TENM3: variants seen among roughly 807,000 people sequenced by gnomAD.
TENM3 encodes teneurin-3.
TENM3 carries 63 observed loss-of-function variants against 255.1 expected under a neutral mutation model. The ratio of observed to expected loss-of-function variants is 0.25; its 90% CI spans 0.20 to 0.30. The LOEUF (loss-of-function observed/expected upper bound fraction) is 0.30, where lower values mean the gene tolerates loss of function less well. TENM3 is among the 10% of genes least tolerant of loss of function. The pLI, the probability that TENM3 is intolerant of heterozygous loss-of-function variation, is 1.00. For missense variants in TENM3, 2,929 were observed against 3,461.1 expected (o/e 0.85, Z 3.86); for synonymous variants, 1,306 against 1,322.3 (o/e 0.99, Z 0.27).
intron 22 of TENM3, among the ~76,000 whole-genome samples, chr4:182,768,606 C>T (rs942693883): frequency 2.0e-5 from 3 of 152,060 alleles, no homozygotes; most frequent in African/African-American, 7.2e-5. Flanking sequence ...AGGAGCTTCA[C>T]GTCAGGTTGA....
chr4:182,541,629 C>G (rs1019367609), intron 3 of TENM3, among the ~76,000 whole-genome samples: 1 of 152,110 alleles, frequency 6.6e-6, no homozygotes, highest in African/African-American at 2.4e-5. Flanking sequence ...TGTTTTCATA[C>G]CAGAACTCAT....
chr4:182,382,711 C>T (rs1767654215), intron 3 of TENM3, among the ~76,000 whole-genome samples: 1 of 152,188 alleles, frequency 6.6e-6, no homozygotes, highest in Non-Finnish European at 1.5e-5. Context: ...CAGATCCACT[C>T]TGCACATTGA....
the TENM3 span, among the ~76,000 whole-genome samples, chr4:181,846,044 T>C: frequency 1.3e-5 from 2 of 152,242 alleles, no homozygotes; most frequent in Non-Finnish European, 2.9e-5. Context: ...GTGCATGCTC[T>C]TTCTTCACTG....
chr4:182,628,275 C>G (rs535010528), intron 4 of TENM3, among the ~76,000 whole-genome samples: 1 of 152,228 alleles, frequency 6.6e-6, no homozygotes, highest in South Asian at 2.1e-4. Context: ...CTTTTGCTAA[C>G]TGTGAAAATG....
the TENM3 span, among the ~76,000 whole-genome samples, chr4:182,051,441 T>G: frequency 2.0e-5 from 3 of 148,604 alleles, no homozygotes; most frequent in African/African-American, 5.0e-5. Flanking sequence ...GCAGTGGCGC[T>G]ATCTCGCCTC....
At chr4:182,198,800 A>G (rs946780247) in intron 1 of TENM3, among the ~76,000 whole-genome samples, 1 of 152,202 alleles carries the variant, frequency 6.6e-6, no homozygotes, top group African/African-American at 2.4e-5. Flanking sequence ...GGAATGACAA[A>G]TATCATTTGA....
upstream of TENM3, among the ~76,000 whole-genome samples, chr4:182,140,986 TC>T (rs199951374): frequency 4.7e-4 from 54 of 115,710 alleles, 1 homozygote; most frequent in African/African-American, 1.3e-3. Flanking sequence ...GCCCATTATA[TC>T]CCTCCCCCCC....
intron 3 of TENM3, among the ~76,000 whole-genome samples, chr4:182,470,908 A>G (rs1733059460): frequency 6.6e-6 from 1 of 152,196 alleles, no homozygotes; most frequent in Non-Finnish European, 1.5e-5. Flanking sequence ...GTGTTCAGGA[A>G]ATTAGATTTG....
chr4:182,288,598 T>C (rs1760905246), intron 1 of TENM3, among the ~76,000 whole-genome samples: 1 of 152,216 alleles, frequency 6.6e-6, no homozygotes, highest in Non-Finnish European at 1.5e-5. Flanking sequence ...CTCCAACTAC[T>C]ACGTGGCAGG....
At chr4:181,475,868 C>G in the TENM3 span, among the ~76,000 whole-genome samples, 2 of 152,218 alleles carry the variant, frequency 1.3e-5, no homozygotes, top group African/African-American at 4.8e-5. Flanking sequence ...TTTCTACCCC[C>G]GCAAAGCTTG....
At chr4:181,858,723 G>C in the TENM3 span, among the ~76,000 whole-genome samples, 1 of 152,180 alleles carries the variant, frequency 6.6e-6, no homozygotes, top group Non-Finnish European at 1.5e-5. Flanking sequence ...GACAGCAAAA[G>C]AAGAAAGGTA....
chr4:182,412,876 A>G (rs922949698), intron 3 of TENM3, among the ~76,000 whole-genome samples: 1 of 151,764 alleles, frequency 6.6e-6, no homozygotes, highest in Non-Finnish European at 1.5e-5. Context: ...AAAAAAAAAA[A>G]AAGAATAAGA....
chr4:182,361,234 C>T (rs1412344736), intron 3 of TENM3, among the ~76,000 whole-genome samples: 2 of 151,990 alleles, frequency 1.3e-5, no homozygotes, highest in South Asian at 2.1e-4. Flanking sequence ...ATCTTTGTGG[C>T]GTTCTCTGTA....
At chr4:181,595,328 G>A in the TENM3 span, among the ~76,000 whole-genome samples, 3 of 151,346 alleles carry the variant, frequency 2.0e-5, no homozygotes, top group South Asian at 6.3e-4. Flanking sequence ...ATACTTGGGA[G>A]GCTGAGGCAT....
intron 3 of TENM3, among the ~76,000 whole-genome samples, chr4:182,537,697 TTTCCACA>T (rs1740476304): frequency 6.6e-6 from 1 of 152,202 alleles, no homozygotes; most frequent in Non-Finnish European, 1.5e-5. Flanking sequence ...AATTCTACAT[TTTCCACA>T]TGTGTTTAAT....
chr4:181,454,506 C>T, the TENM3 span, among the ~76,000 whole-genome samples: 1 of 152,120 alleles, frequency 6.6e-6, no homozygotes, highest in Non-Finnish European at 1.5e-5. Context: ...ATGTCCTAAG[C>T]CTTCATGTTC....
chr4:182,387,421 A>G (rs956020711), intron 3 of TENM3, among the ~76,000 whole-genome samples: 4 of 152,168 alleles, frequency 2.6e-5, no homozygotes, highest in African/African-American at 7.2e-5. Flanking sequence ...AAACGCACCA[A>G]TCAGCGCCCT....
chr4:182,637,484 T>C (rs1751938077), intron 5 of TENM3, among the ~76,000 whole-genome samples: 1 of 152,160 alleles, frequency 6.6e-6, no homozygotes, highest in South Asian at 2.1e-4. Flanking sequence ...TGATCATGCC[T>C]GTGAATAGCC....
chr4:181,726,422 C>T, the TENM3 span, among the ~76,000 whole-genome samples: 3 of 152,164 alleles, frequency 2.0e-5, no homozygotes, highest in African/African-American at 7.2e-5. Context: ...TAGGTGTTAT[C>T]ATCCCAATCT....
Sources: allele counts gnomAD v4.1 joint callset (sites outside exome capture counted in the v4.1 genomes callset), GRCh38; gene constraint gnomAD v4.1.1; transcripts MANE v1.5; gene names NCBI Gene and HGNC (gene_info 2026-07-23, HGNC 2026-07-21).